The following NECAB2 variants were observed in gnomAD, a reference collection of about 807,000 sequenced individuals.
NECAB2 encodes N-terminal EF-hand calcium binding protein 2.
In NECAB2, 68 loss-of-function variants were observed where a neutral mutation model predicts 51.9. The observed-to-expected ratio is 1.31, with a 90% CI of 1.08 to 1.60. The LOEUF (loss-of-function observed/expected upper bound fraction) is 1.60. Ranked by LOEUF, NECAB2 falls within the 40% of genes most tolerant of loss-of-function variation. The probability of loss-of-function intolerance (pLI) is 0.00; values close to 1 mark genes in which losing one functional copy is unlikely to be tolerated. For missense variants in NECAB2, 854 were observed against 490.3 expected, an observed-to-expected ratio of 1.74 and a Z score of -7.00; for synonymous variants, 329 against 203.5, an observed-to-expected ratio of 1.62 and a Z score of -5.25.
chr16:83,988,733 T>A (rs1032359422), intron 5 of NECAB2, among the ~76,000 whole-genome samples: 15 of 152,218 alleles, frequency 9.9e-5, no homozygotes, highest in Non-Finnish European at 2.2e-4. Context: ...CCAGTTGTTC[T>A]ACAAATGAGT....
intron 10 of NECAB2, among the ~76,000 whole-genome samples, chr16:84,000,016 C>A (rs141752581): frequency 6.6e-6 from 1 of 151,362 alleles, no homozygotes; most frequent in Non-Finnish European, 1.5e-5. Context: ...TGTCCTGCAT[C>A]GCTGGGATTA....
intron 11 of NECAB2, 59 bp downstream of exon 11, chr16:84,000,860 T>G (rs904300773): frequency 1.3e-6 from 2 of 1,557,070 alleles, no homozygotes; most frequent in Non-Finnish European, 1.8e-6. Context: ...GGGGGCTGTC[T>G]TCCTGGAGCC....
chr16:83,998,085 GAAAAGTGGGGGAGGGTT>G lies in NECAB2; in HGVS notation c.850-118_850-102del, dbSNP rs2084744711. ...TTCTTATCCATTCATGGGTAAGAATGAAAAGTGGGGGAGGGTTATTTTATTTTGACCGAGGAAGGGAG... is the reference window on the plus strand; with the variant it reads ...TTCTTATCCATTCATGGGTAAGAATGATTTTATTTTGACCGAGGAAGGGAG... On this transcript the variant is annotated intron_variant, in intron 9 of 12. Transcript: ENST00000305202. 4.6e-6 allele frequency: 4 copies of G among 861,648 alleles called. No homozygotes were observed. In the East Asian group the frequency reaches 8.0e-5, roughly 17 times the overall value. The allele number at this position is 861,648 out of a possible 1,614,324, so 53.4% of individuals were successfully genotyped here.
chr16:84,000,879 T>G, intron 11 of NECAB2, 78 bp downstream of exon 11: 2 of 1,445,120 alleles, frequency 1.4e-6, no homozygotes, highest in South Asian at 1.1e-5. Context: ...CCAGGCATCC[T>G]TGGAGGGGAG....
At chr16:83,989,058 G>A (rs148767612) in intron 5 of NECAB2, among the ~76,000 whole-genome samples, 2 of 152,128 alleles carry the variant, frequency 1.3e-5, no homozygotes, top group Non-Finnish European at 2.9e-5. Flanking sequence ...TCACTGGTCC[G>A]GGTGCTTTTA....
At chr16:83,994,966 G>C (rs926932990) in intron 8 of NECAB2, among the ~76,000 whole-genome samples, 6 of 152,198 alleles carry the variant, frequency 3.9e-5, no homozygotes, top group African/African-American at 1.4e-4. Context: ...CAGGAGCAGA[G>C]GGTGGTCAGC....
Position 83,985,794 on chromosome 16 carries a change from A to G in NECAB2, c.459+4667A>G, listed in dbSNP as rs139600924. The stretch of plus-strand genomic sequence containing the variant: ...GAATGACCAGAAAGGTTTCTACTCT[A>G]TTTTTTTAATGTACTGAGATTTTTC... On this transcript the variant is annotated intron_variant, in intron 5 of 12. Coordinates refer to ENST00000305202, the MANE Select transcript of NECAB2 (RefSeq NM_019065.3). Among the ~76,000 whole-genome samples, 491 of 152,120 alleles carry G rather than the reference A, an allele frequency of 3.2e-3. 5 individuals are homozygous for G. Among genetic ancestry groups the G allele is most frequent in the African/African-American group, 0.011 (466 of 41,508 alleles).
chr16:83,972,864 C>A (rs2250573), intron 2 of NECAB2, among the ~76,000 whole-genome samples: 44,801 of 152,140 alleles, frequency 0.29, 12,460 homozygotes, highest in African/African-American at 0.74. Context: ...CACGTTTAGG[C>A]GGCCCAGCTG....
chr16:83,974,179 G>A (rs985944482), intron 2 of NECAB2, among the ~76,000 whole-genome samples: 4 of 152,174 alleles, frequency 2.6e-5, no homozygotes, highest in African/African-American at 9.7e-5. Context: ...GTGAATGTGG[G>A]TGTGAGATGC....
intron 5 of NECAB2, among the ~76,000 whole-genome samples, chr16:83,986,991 C>A (rs192374153): frequency 3.3e-5 from 5 of 152,086 alleles, no homozygotes; most frequent in Admixed American, 6.5e-5. Context: ...ATGACATACC[C>A]ATGTAACAAA....
At chr16:84,000,593 G>A (rs2084810115) in intron 10 of NECAB2, 131 bp from the exon 11 acceptor site, 1 of 676,238 alleles carries the variant, frequency 1.5e-6, no homozygotes, top group Admixed American at 2.5e-5. Context: ...CTCGATGGAG[G>A]TCAAGACAGG....
upstream of NECAB2, among the ~76,000 whole-genome samples, chr16:83,967,019 C>G (rs2084288600): frequency 6.6e-6 from 1 of 152,100 alleles, no homozygotes; most frequent in Non-Finnish European, 1.5e-5. Context: ...TTACAGGTGA[C>G]TGCCACCTCG....
rs201542453 is a variant in NECAB2 at position 83,998,108 on chromosome 16, ATTTTGACCGAG to A, written c.850-96_850-86del. ...ATGAAAAGTGGGGGAGGGTTATTTT[ATTTTGACCGAG>A]GAAGGGAGGTCATGGGGGCCTGATG... On this transcript the variant is annotated intron_variant, in intron 9 of 12. Coordinates refer to ENST00000305202, the MANE Select transcript of NECAB2 (RefSeq NM_019065.3). The A allele has an allele frequency of 7.8e-3, 8,355 of 1,074,286 alleles. 413 individuals are homozygous for A. In the African/African-American group the frequency reaches 0.12, roughly 15 times the overall value. The allele number at this position is 1,074,286 out of a possible 1,614,324, so 66.5% of individuals were successfully genotyped here.
chr16:83,994,445 G>C, intron 7 of NECAB2, 25 bp downstream of exon 7: 1 of 1,611,732 alleles, frequency 6.2e-7, no homozygotes, highest in Non-Finnish European at 8.5e-7. Context: ...GGGCCCTGGT[G>C]GGGGTACCAG....
At chr16:83,995,534 T>C (rs9928616) in intron 8 of NECAB2, among the ~76,000 whole-genome samples, 15,555 of 152,244 alleles carry the variant, frequency 0.1, 1,543 homozygotes, top group African/African-American at 0.26. Context: ...TGAGGCATTC[T>C]GTTACCCAAA....
At chr16:84,000,948 T>A in intron 11 of NECAB2, 147 bp downstream of exon 11, 3 of 719,006 alleles carry the variant, frequency 4.2e-6, no homozygotes, top group Non-Finnish European at 6.8e-6. Flanking sequence ...CATGCTTGCG[T>A]CAGTAAACCC....
At chr16:83,979,642 T>C (rs982555922) in intron 3 of NECAB2, among the ~76,000 whole-genome samples, 1 of 151,978 alleles carries the variant, frequency 6.6e-6, no homozygotes. Flanking sequence ...GATTTAGACC[T>C]TCTCTTTCAG....
Position 83,970,341 on chromosome 16 carries a change from T to C in NECAB2, c.201+1492T>C, listed in dbSNP as rs890363619. Among the ~76,000 whole-genome samples, 2 of 152,008 alleles carry C rather than the reference T, an allele frequency of 1.3e-5. 1 individual carries two copies. Among genetic ancestry groups the C allele is most frequent in the Admixed American group, 1.3e-4 (2 of 15,280 alleles). ...ACCTGGTGCCTGGCCTCAAGGGGGA[T>C]CTGGGACACCCAGATAGGGACCCCA... is the stretch of plus-strand genomic sequence containing the variant. On this transcript the variant is annotated intron_variant, in intron 1 of 12. Transcript: ENST00000305202.
At chr16:83,984,964 T>G (rs997415743) in intron 5 of NECAB2, among the ~76,000 whole-genome samples, 4 of 152,184 alleles carry the variant, frequency 2.6e-5, no homozygotes, top group Non-Finnish European at 5.9e-5. Context: ...TTGCTGTTCT[T>G]TTTCATATGT....
Sources: gnomAD v4.1 joint callset for allele counts (sites outside exome capture counted in the v4.1 genomes callset) on GRCh38, gnomAD v4.1.1 for gene constraint, MANE v1.5 for transcripts, NCBI Gene and HGNC (gene_info 2026-07-23, HGNC 2026-07-21) for gene names.